The following NLK variants were observed in gnomAD, a reference collection of about 807,000 sequenced individuals.
NLK encodes the protein nemo like kinase, also known as serine/threonine-protein kinase NLK.
Under a neutral mutation model 59.0 loss-of-function variants are expected in NLK, and 11 were observed. The observed-to-expected ratio is 0.19, with a 90% confidence interval of 0.12 to 0.31. The LOEUF (loss-of-function observed/expected upper bound fraction) is 0.31, where lower values mean the gene tolerates loss of function less well. Among genes scored for constraint, NLK ranks in the 10% least tolerant of loss-of-function variants. The pLI is 1.00. For missense variants in NLK, 410 were observed against 661.1 expected, an observed-to-expected ratio of 0.62 and a Z score of 4.16; for synonymous variants, 235 against 235.9, an observed-to-expected ratio of 1.00 and a Z score of 0.03.
chr17:28,109,318 G>A (rs1905361271), intron 1 of NLK, among the ~76,000 whole-genome samples: 1 of 152,120 alleles, frequency 6.6e-6, no homozygotes, highest in Admixed American at 6.5e-5. Flanking sequence ...AATCAGAATA[G>A]GGCCTACAAT....
At chr17:28,126,298 G>A (rs1406228061) in intron 2 of NLK, among the ~76,000 whole-genome samples, 3 of 152,142 alleles carry the variant, frequency 2.0e-5, no homozygotes, top group South Asian at 2.1e-4. Flanking sequence ...GTCTTACCTT[G>A]CACCTACTAA....
At chr17:28,110,229 A>C (rs1221488141) in intron 1 of NLK, among the ~76,000 whole-genome samples, 2 of 152,014 alleles carry the variant, frequency 1.3e-5, no homozygotes, top group African/African-American at 2.4e-5. Flanking sequence ...ATATATATAT[A>C]TCTTGGAATA....
At chr17:28,087,051 CAAA>C (rs569131317) in intron 1 of NLK, among the ~76,000 whole-genome samples, 1 of 112,668 alleles carries the variant, frequency 8.9e-6, no homozygotes, top group Admixed American at 9.2e-5. Context: ...TTGTCGCTCT[CAAA>C]AAAAAAAAAA....
intron 3 of NLK, among the ~76,000 whole-genome samples, chr17:28,143,043 C>CTTT (rs527832848): frequency 3.7e-5 from 5 of 135,984 alleles, no homozygotes; most frequent in Non-Finnish European, 8.0e-5. Context: ...AAGATGAAAA[C>CTTT]TTTTTTTTTT....
At chr17:28,183,945 G>A (rs916259779) in intron 7 of NLK, among the ~76,000 whole-genome samples, 14 of 152,180 alleles carry the variant, frequency 9.2e-5, no homozygotes, top group African/African-American at 3.4e-4. Context: ...TTATGTTAGA[G>A]ATAAATAATT....
intron 3 of NLK, among the ~76,000 whole-genome samples, chr17:28,143,900 G>A (rs528839232): frequency 1.3e-5 from 2 of 152,292 alleles, no homozygotes; most frequent in South Asian, 4.1e-4. Flanking sequence ...ATTCAGCAGT[G>A]CCTTATTATG....
intron 3 of NLK, among the ~76,000 whole-genome samples, chr17:28,159,917 C>T (rs1158185974): frequency 2.0e-5 from 3 of 152,018 alleles, no homozygotes; most frequent in South Asian, 2.1e-4. Flanking sequence ...GAAAGAGAAA[C>T]GGGGAGTAAA....
intron 7 of NLK, among the ~76,000 whole-genome samples, chr17:28,177,129 T>A (rs1908711729): frequency 6.6e-6 from 1 of 152,008 alleles, no homozygotes; most frequent in South Asian, 2.1e-4. Flanking sequence ...TTGAGTAGGC[T>A]GAGGAGGAAG....
At chr17:28,060,743 T>C (rs1909603936) in intron 1 of NLK, among the ~76,000 whole-genome samples, 1 of 152,212 alleles carries the variant, frequency 6.6e-6, no homozygotes. Context: ...TGCTAGATAT[T>C]TTAAAGTAAT....
chr17:28,174,590 T>G (rs946787462), intron 7 of NLK, among the ~76,000 whole-genome samples: 8 of 152,326 alleles, frequency 5.3e-5, no homozygotes, highest in African/African-American at 1.9e-4. Flanking sequence ...TAGGCAGATG[T>G]TCATGGTCTT....
chr17:28,076,895 C>T (rs1472121717), intron 1 of NLK, among the ~76,000 whole-genome samples: 1 of 152,006 alleles, frequency 6.6e-6, no homozygotes, highest in Non-Finnish European at 1.5e-5. Flanking sequence ...TTTCTTCTGC[C>T]TCTGAAGTAA....
intron 3 of NLK, among the ~76,000 whole-genome samples, chr17:28,144,218 C>T (rs746565420): frequency 4.3e-4 from 66 of 152,208 alleles, no homozygotes; most frequent in Non-Finnish European, 7.5e-4. Flanking sequence ...TTTAAAAGGC[C>T]TTCCTGTCTG....
Position 28,119,651 on chromosome 17 carries a change from G to A in NLK, c.459-2952G>A, listed in dbSNP as rs982759614. 3.9e-5 allele frequency among the ~76,000 whole-genome samples: 6 copies of A among 152,076 alleles called. No homozygotes were observed. In the East Asian group the frequency reaches 1.2e-3, roughly 29 times the overall value. On this transcript the variant is annotated intron_variant, in intron 1 of 10. Transcript: ENST00000407008. ...GCAACCATCGTAATAATTGATTCAG[G>A]CAAAAATCATGAGGGGATACTAAAG...
chr17:28,111,929 GTGTGTGTGTGTGTGTGTA>G (rs1905536569), intron 1 of NLK, among the ~76,000 whole-genome samples: 2 of 148,898 alleles, frequency 1.3e-5, no homozygotes, highest in Admixed American at 6.7e-5. Flanking sequence ...GTGTGTGTGT[GTGTGTGTGTGTGTGTGTA>G]TGTGTAGGGA....
At chr17:28,129,326 G>A (rs1416840584) in intron 2 of NLK, among the ~76,000 whole-genome samples, 2 of 152,116 alleles carry the variant, frequency 1.3e-5, no homozygotes, top group Admixed American at 1.3e-4. Flanking sequence ...GGTGGCGCAT[G>A]CCCGTAGTCC....
intron 1 of NLK, among the ~76,000 whole-genome samples, chr17:28,115,202 C>CTTCCT (rs539821781): frequency 1.0e-3 from 156 of 152,272 alleles, no homozygotes; most frequent in African/African-American, 3.7e-3. Context: ...AAGAAACAGA[C>CTTCCT]AGGAAGCCCA....
chr17:28,137,959 C>T lies in NLK; in HGVS notation c.644+5284C>T, dbSNP rs148550149. ...TTTAAAGATTATATATTTTTCTGAGCTGATGTTAGCTTTTAAAGGATTACA... is the reference window on the plus strand; with the variant it reads ...TTTAAAGATTATATATTTTTCTGAGTTGATGTTAGCTTTTAAAGGATTACA... On this transcript the variant is annotated intron_variant, in intron 3 of 10. Coordinates refer to ENST00000407008, the MANE Select transcript of NLK (RefSeq NM_016231.5). 2.0e-3 allele frequency among the ~76,000 whole-genome samples: 303 copies of T among 152,060 alleles called. 7 individuals are homozygous for T. Among genetic ancestry groups the T allele is most frequent in the Admixed American group, 0.018 (272 of 15,286 alleles).
chr17:28,075,576 GACTT>G (rs1305049351), intron 1 of NLK, among the ~76,000 whole-genome samples: 4 of 152,166 alleles, frequency 2.6e-5, no homozygotes, highest in African/African-American at 9.7e-5. Flanking sequence ...TGAGCTCTCA[GACTT>G]ACTTATTTTA....
chr17:28,093,346 G>A (rs1023376698), intron 1 of NLK, among the ~76,000 whole-genome samples: 3 of 152,072 alleles, frequency 2.0e-5, no homozygotes, highest in African/African-American at 7.2e-5. Flanking sequence ...TCCTAAAGTA[G>A]GCTGATCTAT....
Sources: gnomAD v4.1 joint callset for allele counts (sites outside exome capture counted in the v4.1 genomes callset) on GRCh38, gnomAD v4.1.1 for gene constraint, MANE v1.5 for transcripts, NCBI Gene and HGNC (gene_info 2026-07-23, HGNC 2026-07-21) for gene names.